Variants in SYNGR1 observed in about 807,000 individuals in gnomAD.
The protein encoded by SYNGR1 is synaptogyrin 1.
SYNGR1 carries 14 observed loss-of-function variants against 26.1 expected under a neutral mutation model. The ratio of observed to expected loss-of-function variants is 0.54; its 90% CI spans 0.35 to 0.84. The LOEUF is 0.84. Among genes scored for constraint, SYNGR1 ranks in the 40% least tolerant of loss-of-function variants. SYNGR1 has a pLI of 0.01. For missense variants in SYNGR1, 319 were observed against 332.9 expected, an observed-to-expected ratio of 0.96 and a Z score of 0.33; for synonymous variants, 141 against 150.1, an observed-to-expected ratio of 0.94 and a Z score of 0.44.
At chr22:39,366,106 T>C (rs866274643) in intron 1 of SYNGR1, among the ~76,000 whole-genome samples, 4 of 147,118 alleles carry the variant, frequency 2.7e-5, no homozygotes, top group African/African-American at 7.6e-5. Context: ...CAAGCAATCC[T>C]CTGGCCTCAG....
At chr22:39,355,271 T>C (rs1419814419) in intron 1 of SYNGR1, among the ~76,000 whole-genome samples, 1 of 152,156 alleles carries the variant, frequency 6.6e-6, no homozygotes, top group Non-Finnish European at 1.5e-5. Flanking sequence ...GAAGCTCCTG[T>C]GGAAGCTTGG....
chr22:39,364,779 G>T (rs1008986809), intron 1 of SYNGR1, among the ~76,000 whole-genome samples: 3 of 152,136 alleles, frequency 2.0e-5, no homozygotes, highest in Admixed American at 2.0e-4. Context: ...GGCCACAAAG[G>T]GCTTGGTGCT....
intron 1 of SYNGR1, among the ~76,000 whole-genome samples, chr22:39,358,030 G>T (rs1274164462): frequency 3.3e-5 from 5 of 152,270 alleles, no homozygotes; most frequent in Non-Finnish European, 7.3e-5. Context: ...CAGCCCCGGT[G>T]CGGGATCCAC....
chr22:39,374,195 A>T, intron 1 of SYNGR1, 121 bp from the exon 2 acceptor site: 1 of 859,746 alleles, frequency 1.2e-6, no homozygotes, highest in Non-Finnish European at 1.9e-6. Context: ...ATGCCTGCTT[A>T]ACCCGGGTCT....
intron 1 of SYNGR1, among the ~76,000 whole-genome samples, chr22:39,362,951 A>G (rs1407701603): frequency 2.6e-5 from 4 of 152,156 alleles, no homozygotes; most frequent in African/African-American, 7.2e-5. Flanking sequence ...AATAGGAAAG[A>G]AGTTATATTG....
At chr22:39,377,068 C>T (rs1393331303) in intron 3 of SYNGR1, 3 of 1,550,808 alleles carry the variant, frequency 1.9e-6, no homozygotes, top group South Asian at 2.4e-5. Flanking sequence ...CTCCCCATAA[C>T]CCACAGCTGC....
chr22:39,380,798 T>G (rs1205156686), intron 3 of SYNGR1, among the ~76,000 whole-genome samples: 1 of 151,886 alleles, frequency 6.6e-6, no homozygotes, highest in Non-Finnish European at 1.5e-5. Flanking sequence ...TTTTTTAATT[T>G]TCAGTAGAGA....
At chr22:39,365,023 C>T (rs1040955302) in intron 1 of SYNGR1, among the ~76,000 whole-genome samples, 1 of 152,114 alleles carries the variant, frequency 6.6e-6, no homozygotes, top group Non-Finnish European at 1.5e-5. Context: ...TGCTTTAGCT[C>T]GAGGGAAGCT....
At chr22:39,374,646 A>G in intron 2 of SYNGR1, 93 bp downstream of exon 2, 1 of 1,362,254 alleles carries the variant, frequency 7.3e-7, no homozygotes, top group Non-Finnish European at 1.0e-6. Context: ...CCCATGTTTC[A>G]GATGAGGAAA....
intron 3 of SYNGR1, among the ~76,000 whole-genome samples, chr22:39,378,793 C>G (rs1390833395): frequency 6.6e-6 from 1 of 152,232 alleles, no homozygotes; most frequent in African/African-American, 2.4e-5. Context: ...AACTCCCATC[C>G]TCCCTCTGCA....
Position 39,376,157 on chromosome 22 carries a change from G to A in SYNGR1, c.443G>A (p.Arg148Gln), listed in dbSNP as rs766039979. 2.5e-5 allele frequency: 41 copies of A among 1,614,060 alleles called. No individual in the cohort carries two copies. The highest frequency in any genetic ancestry group is 1.8e-4 in the Admixed American group (11 of 60,002). The stretch of plus-strand genomic sequence containing the variant: ...CTGAACGAAGGGACGGACGCAGCCC[G>A]GGCCGCCATCGCCTTCTCCTTTTTC... Reference protein sequence around the residue: ...NPLNEGTDAARAAIAFSFFSI... With the variant: ...NPLNEGTDAAQAAIAFSFFSI... Residue 148 changes from arginine (R) to glutamine (Q), a missense_variant, in exon 3 of 4, where the codon CGG (arginine) becomes CAG (glutamine). Arg to Gln is a conservative substitution (Grantham distance 43). Transcript: ENST00000328933.
At chr22:39,358,960 C>G (rs909617435) in intron 1 of SYNGR1, among the ~76,000 whole-genome samples, 1 of 152,228 alleles carries the variant, frequency 6.6e-6, no homozygotes, top group Non-Finnish European at 1.5e-5. Flanking sequence ...GCTGGGACAG[C>G]CCCAAGCTGT....
chr22:39,370,252 T>C (rs148310559), intron 1 of SYNGR1, among the ~76,000 whole-genome samples: 10,339 of 151,818 alleles, frequency 0.068, 1,010 homozygotes, highest in African/African-American at 0.22. Flanking sequence ...TGCCTCAGCC[T>C]CCTGAGTAGC....
At chr22:39,367,076 G>A (rs12165588) in intron 1 of SYNGR1, among the ~76,000 whole-genome samples, 4 of 152,324 alleles carry the variant, frequency 2.6e-5, no homozygotes, top group South Asian at 4.1e-4. Context: ...CTCAAAGGTC[G>A]CTGCATCAGA....
In SYNGR1 at chr22:39,350,192, CCCCG is replaced by C; in HGVS notation, c.99+84_99+87del. 3 of 988,532 alleles carry C rather than the reference CCCCG, an allele frequency of 3.0e-6. No individual in the cohort carries two copies. The highest frequency in any genetic ancestry group is 2.6e-6 in the Non-Finnish European group (2 of 773,414). The allele number at this position is 988,532 out of a possible 1,614,324, so 61.2% of individuals were successfully genotyped here. A position where few individuals can be genotyped will look rare whatever the true frequency, so the allele number is the denominator to read the frequency against. On this transcript the variant is annotated intron_variant, in intron 1 of 3. Transcript: ENST00000328933. This position sits in a 1 kb window ranked among gnomAD's most constrained non-coding sequence, Gnocchi z 4.3. ...GGCGGCGCGCCCGGACCGACCCCGA[CCCCG>C]ACCCCAACGGGCCCCCGGCGGCGGC...
intron 1 of SYNGR1, among the ~76,000 whole-genome samples, chr22:39,359,302 C>T (rs189376402): frequency 9.2e-5 from 14 of 152,150 alleles, no homozygotes; most frequent in South Asian, 4.1e-4. Context: ...TGAGCCAGCT[C>T]GAGGCCACTT....
At chr22:39,378,407 CCAGAGA>C in intron 3 of SYNGR1, 1 of 980,704 alleles carries the variant, frequency 1.0e-6, no homozygotes, top group Non-Finnish European at 1.2e-6. Flanking sequence ...ATTCTTCTCT[CCAGAGA>C]GTCAGGGGCA....
rs1272456271 is a variant in SYNGR1, at chr22:39,384,101, G to A, written c.*2187G>A. Reference sequence around the variant, plus strand: ...AGGCCAAAGGTGAGGGCGTGAGTGAGGGCAGGAGTGTTTATGGCAGAGTGA... The same window carrying A: ...AGGCCAAAGGTGAGGGCGTGAGTGAAGGCAGGAGTGTTTATGGCAGAGTGA... On this transcript the variant is annotated 3_prime_UTR_variant, in exon 4 of 4. Transcript: ENST00000328933. 6.3e-6 allele frequency: 1 copy of A among 159,274 alleles called. No individual in the cohort carries two copies. The highest frequency in any genetic ancestry group is 1.4e-5 in the Non-Finnish European group (1 of 73,036). The allele number at this position is 159,274 out of a possible 1,614,324, so 9.9% of individuals were successfully genotyped here. A position where few individuals can be genotyped will look rare whatever the true frequency, so the allele number is the denominator to read the frequency against.
At chr22:39,363,490 G>A (rs916956125) in intron 1 of SYNGR1, among the ~76,000 whole-genome samples, 5 of 151,976 alleles carry the variant, frequency 3.3e-5, no homozygotes, top group Admixed American at 1.3e-4. Flanking sequence ...TGGAGGGGTC[G>A]AGTATGAACC....
Sources: allele counts gnomAD v4.1 joint callset (sites outside exome capture counted in the v4.1 genomes callset), GRCh38; gene constraint gnomAD v4.1.1; non-coding constraint Gnocchi (gnomAD v3.1); transcripts MANE v1.5; gene names NCBI Gene and HGNC (gene_info 2026-07-23, HGNC 2026-07-21).